The following SLC66A3 variants were observed in gnomAD, a reference collection of about 807,000 sequenced individuals.
SLC66A3 encodes the protein PQ loop repeat containing 3.
In SLC66A3, 23 loss-of-function variants were observed where a neutral mutation model predicts 25.5. The ratio of observed to expected loss-of-function variants is 0.90; its 90% CI spans 0.65 to 1.28. The LOEUF is 1.28. SLC66A3 is among the 50% of genes most tolerant of loss of function. The pLI is 0.00. For synonymous variants in SLC66A3, 108 were observed against 112.6 expected (o/e 0.96, Z 0.26); for missense variants, 246 against 262.1 (o/e 0.94, Z 0.42).
At chr2:11,176,982 T>C (rs953114042) in intron 6 of SLC66A3, among the ~76,000 whole-genome samples, 3 of 152,238 alleles carry the variant, frequency 2.0e-5, no homozygotes, top group African/African-American at 7.2e-5. Flanking sequence ...TATTTATTTA[T>C]TTATTTTTCC....
chr2:11,175,668 G>GTTT (rs1326250593), intron 6 of SLC66A3, among the ~76,000 whole-genome samples: 1 of 152,014 alleles, frequency 6.6e-6, no homozygotes, highest in East Asian at 1.9e-4. Context: ...AATGGACTAT[G>GTTT]TTTTTGTTCT....
intron 1 of SLC66A3, chr2:11,160,238 G>A: frequency 1.7e-6 from 1 of 604,708 alleles, no homozygotes; most frequent in South Asian, 1.9e-5. Flanking sequence ...GAGATCGTGG[G>A]TATTGCACTG....
intron 6 of SLC66A3, 84 bp from the exon 7 acceptor site, chr2:11,177,649 GCTTT>G (rs1558262469): frequency 4.0e-6 from 3 of 755,552 alleles, no homozygotes; most frequent in African/African-American, 1.8e-5. Context: ...TGGGGGTGAA[GCTTT>G]ATTTAGGCTT....
chr2:11,168,066 G>A (rs62120153), intron 4 of SLC66A3, among the ~76,000 whole-genome samples: 59,907 of 152,068 alleles, frequency 0.39, 13,937 homozygotes, highest in East Asian at 0.56. Context: ...GGATCACAAG[G>A]TCAGGAGATC....
chr2:11,168,107 C>T (rs761265790), intron 4 of SLC66A3, among the ~76,000 whole-genome samples: 8 of 151,938 alleles, frequency 5.3e-5, no homozygotes, highest in African/African-American at 7.3e-5. Context: ...GGTGAAACCT[C>T]GTCTCTACTA....
chr2:11,170,232 C>G (rs953305287), intron 4 of SLC66A3, among the ~76,000 whole-genome samples: 1 of 152,184 alleles, frequency 6.6e-6, no homozygotes, highest in Non-Finnish European at 1.5e-5. Flanking sequence ...CTTCTCACCT[C>G]GTCTGTTTCT....
At chr2:11,164,932 C>T (rs1014633988) in intron 4 of SLC66A3, among the ~76,000 whole-genome samples, 11 of 152,258 alleles carry the variant, frequency 7.2e-5, no homozygotes, top group Non-Finnish European at 1.2e-4. Context: ...CCCATGTCTA[C>T]TTCTTTCTAC....
chr2:11,157,560 A>G (rs958632622), intron 1 of SLC66A3, among the ~76,000 whole-genome samples: 5 of 152,140 alleles, frequency 3.3e-5, no homozygotes, highest in African/African-American at 1.2e-4. Context: ...CGGGCCCCTG[A>G]CCAGATCAGG....
Position 11,177,907 on chromosome 2 carries a change from C to G in SLC66A3, c.*79C>G, listed in dbSNP as rs1662822417. ...AAGAAGCTCTTTGCTAAATTAAGGT[C>G]TTTTATAAATTTAGTAAATCAGTTT... On this transcript the variant is annotated 3_prime_UTR_variant, in exon 7 of 7. Coordinates refer to ENST00000295083, the MANE Select transcript of SLC66A3 (RefSeq NM_152391.5). The G allele has an allele frequency of 1.1e-6, 1 of 877,724 alleles. No individual in the cohort carries two copies. The highest frequency in any genetic ancestry group is 1.7e-5 in the African/African-American group (1 of 58,186). 54.4% of individuals were successfully genotyped at this position (877,724 alleles called of 1,614,324 possible). A position where few individuals can be genotyped will look rare whatever the true frequency, so the allele number is the denominator to read the frequency against.
At chr2:11,170,479 T>C (rs1572191832) in intron 4 of SLC66A3, among the ~76,000 whole-genome samples, 2 of 152,126 alleles carry the variant, frequency 1.3e-5, no homozygotes, top group East Asian at 1.9e-4. Flanking sequence ...CCACACAGAC[T>C]ATCAGAATAG....
At chr2:11,166,494 C>G (rs1662349506) in intron 4 of SLC66A3, among the ~76,000 whole-genome samples, 1 of 152,212 alleles carries the variant, frequency 6.6e-6, no homozygotes, top group Non-Finnish European at 1.5e-5. Flanking sequence ...AGACTAGATT[C>G]TCTGTTACAT....
In SLC66A3 at chr2:11,171,942, C is replaced by T. The variant is rs2148000672; in HGVS notation, c.372C>T (p.Ile124=). ...IDLAMNLCTF[I]SAASKFAQLQ... ...GCAAACAGAATCTATGTACTTTCAT[C>T]AGCGCGGCCAGTAAGTTTGCACAGC... The change falls in exon 5 of 7, where the codon ATC becomes ATT. Residue 124 remains isoleucine (I), a synonymous_variant. Transcript: ENST00000295083. 6.2e-7 allele frequency: 1 copy of T among 1,613,948 alleles called. No individual in the cohort carries two copies. The highest frequency in any genetic ancestry group is 8.5e-7 in the Non-Finnish European group (1 of 1,179,900).
At chr2:11,166,787 T>A (rs985243525) in intron 4 of SLC66A3, among the ~76,000 whole-genome samples, 1 of 152,098 alleles carries the variant, frequency 6.6e-6, no homozygotes, top group Non-Finnish European at 1.5e-5. Context: ...CCCAGCTACT[T>A]GGGAGACTGA....
At chr2:11,176,756 C>G in intron 6 of SLC66A3, among the ~76,000 whole-genome samples, 1 of 147,154 alleles carries the variant, frequency 6.8e-6, no homozygotes, top group Non-Finnish European at 1.5e-5. Flanking sequence ...TCTCGATCTC[C>G]TGACCTCGTG....
At chr2:11,163,091 A>G (rs573478518) in intron 3 of SLC66A3, among the ~76,000 whole-genome samples, 2 of 152,288 alleles carry the variant, frequency 1.3e-5, no homozygotes, top group South Asian at 2.1e-4. Context: ...AATATAAGAG[A>G]AAAAATGAGC....
chr2:11,172,780 C>T, intron 5 of SLC66A3: 1 of 439,210 alleles, frequency 2.3e-6, no homozygotes, highest in South Asian at 1.6e-5. Flanking sequence ...GGCTGGAGTG[C>T]AGTGATACGA....
chr2:11,175,574 G>A (rs1007388627), intron 6 of SLC66A3, among the ~76,000 whole-genome samples: 4 of 152,348 alleles, frequency 2.6e-5, no homozygotes, highest in African/African-American at 9.6e-5. Flanking sequence ...ACTGGCAGTG[G>A]CCCAAGTATC....
chr2:11,158,120 A>G (rs1661972581), intron 1 of SLC66A3, among the ~76,000 whole-genome samples: 1 of 152,182 alleles, frequency 6.6e-6, no homozygotes. Flanking sequence ...GAAAACTCCA[A>G]TGGCTGCATG....
chr2:11,165,051 A>G (rs1662270984), intron 4 of SLC66A3, among the ~76,000 whole-genome samples: 1 of 151,986 alleles, frequency 6.6e-6, no homozygotes, highest in Admixed American at 6.5e-5. Flanking sequence ...TGTTGGGTAC[A>G]CCTCCCAGAC....
Sources: allele counts gnomAD v4.1 joint callset (sites outside exome capture counted in the v4.1 genomes callset), GRCh38; gene constraint gnomAD v4.1.1; transcripts MANE v1.5; gene names NCBI Gene and HGNC (gene_info 2026-07-23, HGNC 2026-07-21).